Variants in KHDRBS2 observed in about 807,000 individuals in gnomAD.
The protein encoded by KHDRBS2 is KH domain-containing, RNA-binding, signal transduction-associated protein 2.
Under a neutral mutation model 44.3 loss-of-function variants are expected in KHDRBS2, and 26 were observed. The ratio of observed to expected loss-of-function variants is 0.59; its 90% CI spans 0.43 to 0.81. KHDRBS2 has a LOEUF of 0.81. Ranked by LOEUF, KHDRBS2 falls within the 40% of genes least tolerant of loss-of-function variation. The probability of loss-of-function intolerance (pLI) is 0.00; values close to 1 mark genes in which losing one functional copy is unlikely to be tolerated. For missense variants in KHDRBS2, 476 were observed against 433.1 expected, an observed-to-expected ratio of 1.10 and a Z score of -0.88; for synonymous variants, 194 against 151.1, an observed-to-expected ratio of 1.28 and a Z score of -2.08.
At chr6:62,079,914 A>G (rs1309050989) in intron 2 of KHDRBS2, among the ~76,000 whole-genome samples, 2 of 152,106 alleles carry the variant, frequency 1.3e-5, no homozygotes, top group Admixed American at 6.6e-5. Context: ...TAATGCCTAC[A>G]GACATTCAAG....
At chr6:62,075,268 G>A (rs1175815895) in intron 2 of KHDRBS2, among the ~76,000 whole-genome samples, 3 of 151,814 alleles carry the variant, frequency 2.0e-5, no homozygotes, top group African/African-American at 7.2e-5. Flanking sequence ...GAGGCCTGAG[G>A]AAGCTTGTTC....
chr6:61,673,113 C>G, the KHDRBS2 span, among the ~76,000 whole-genome samples: 7 of 151,844 alleles, frequency 4.6e-5, no homozygotes, highest in Admixed American at 1.3e-4. Context: ...AATCCTTCCC[C>G]CATTGCTTGT....
chr6:61,564,407 C>T, the KHDRBS2 span, among the ~76,000 whole-genome samples: 56 of 152,204 alleles, frequency 3.7e-4, no homozygotes, highest in South Asian at 8.3e-4. Flanking sequence ...GTTAGCTCCT[C>T]CAGGTGGGGC....
chr6:61,854,896 T>C (rs1229589964), intron 6 of KHDRBS2, among the ~76,000 whole-genome samples: 1 of 152,164 alleles, frequency 6.6e-6, no homozygotes, highest in East Asian at 1.9e-4. Context: ...AGAGACCTTC[T>C]TGAAAGACCA....
the KHDRBS2 span, among the ~76,000 whole-genome samples, chr6:61,615,233 C>CAAAAAAAAA: frequency 1.8e-3 from 102 of 57,708 alleles, no homozygotes; most frequent in East Asian, 2.1e-3. Flanking sequence ...ACTCCATCTC[C>CAAAAAAAAA]AAAAAAAAAA....
At chr6:61,737,037 T>A (rs539432719) in intron 6 of KHDRBS2, among the ~76,000 whole-genome samples, 95 of 152,224 alleles carry the variant, frequency 6.2e-4, no homozygotes, top group Non-Finnish European at 9.9e-4. Flanking sequence ...ATTGTTTAAT[T>A]AGCCAAAGGA....
intron 2 of KHDRBS2, among the ~76,000 whole-genome samples, chr6:62,065,706 C>T (rs980253923): frequency 7.4e-5 from 11 of 147,962 alleles, no homozygotes; most frequent in Middle Eastern, 6.9e-3. Context: ...GTGGGTGCAG[C>T]GCACCAGCAT....
intron 6 of KHDRBS2, among the ~76,000 whole-genome samples, chr6:61,833,551 G>T (rs920348486): frequency 6.6e-6 from 1 of 152,164 alleles, no homozygotes; most frequent in Non-Finnish European, 1.5e-5. Flanking sequence ...TGTTTATTTG[G>T]AAGACATTTG....
chr6:62,023,868 T>TA (rs1190347435), intron 3 of KHDRBS2, among the ~76,000 whole-genome samples: 1 of 150,974 alleles, frequency 6.6e-6, no homozygotes, highest in South Asian at 2.1e-4. Flanking sequence ...TAAATATTGC[T>TA]AAAAAAACAA....
At chr6:62,221,148 C>T (rs1308962448) in intron 1 of KHDRBS2, among the ~76,000 whole-genome samples, 1 of 151,598 alleles carries the variant, frequency 6.6e-6, no homozygotes, top group Non-Finnish European at 1.5e-5. Context: ...AAGATTTTGC[C>T]ATTTGCCACA....
Position 62,096,365 on chromosome 6 carries a change from T to A in KHDRBS2, c.220-48371A>T, listed in dbSNP as rs560716003. 2.6e-5 allele frequency among the ~76,000 whole-genome samples: 4 copies of A among 152,056 alleles called. No homozygotes were observed. The South Asian group carries it at 6.2e-4, about 24-fold the overall frequency. On this transcript the variant is annotated intron_variant, in intron 2 of 8. Coordinates refer to ENST00000281156, the MANE Select transcript of KHDRBS2 (RefSeq NM_152688.4). Reference sequence around the variant, plus strand: ...AAGCCTTCTGGTCCTAGATTTTTCTTTGATGGGAGACTTTTTATTTCTTAT... The same window carrying A: ...AAGCCTTCTGGTCCTAGATTTTTCTATGATGGGAGACTTTTTATTTCTTAT...
At chr6:61,993,886 T>G (rs1278974613) in intron 3 of KHDRBS2, among the ~76,000 whole-genome samples, 1 of 151,992 alleles carries the variant, frequency 6.6e-6, no homozygotes, top group Non-Finnish European at 1.5e-5. Flanking sequence ...ATTTTTTGAC[T>G]ATACCAGACT....
intron 2 of KHDRBS2, among the ~76,000 whole-genome samples, chr6:62,170,674 C>G (rs1819805861): frequency 6.6e-6 from 1 of 152,108 alleles, no homozygotes; most frequent in Admixed American, 6.6e-5. Context: ...CCCACTGCCA[C>G]CACCCTGATG....
At chr6:61,809,417 A>G (rs1787743037) in intron 6 of KHDRBS2, among the ~76,000 whole-genome samples, 2 of 152,168 alleles carry the variant, frequency 1.3e-5, no homozygotes, top group African/African-American at 4.8e-5. Flanking sequence ...GCAACTTTTC[A>G]TGCAAAAGGA....
At chr6:62,248,808 C>T (rs1233214147) in intron 1 of KHDRBS2, among the ~76,000 whole-genome samples, 1 of 152,046 alleles carries the variant, frequency 6.6e-6, no homozygotes, top group African/African-American at 2.4e-5. Flanking sequence ...AGTAAACATG[C>T]TGTACCATTG....
intron 8 of KHDRBS2, among the ~76,000 whole-genome samples, chr6:61,692,606 T>C (rs1381641502): frequency 1.3e-5 from 2 of 152,044 alleles, no homozygotes; most frequent in Non-Finnish European, 2.9e-5. Context: ...AGGAGACAAA[T>C]ACAATTTCAG....
intron 3 of KHDRBS2, among the ~76,000 whole-genome samples, chr6:61,993,153 G>A (rs1291509416): frequency 6.6e-6 from 1 of 152,130 alleles, no homozygotes; most frequent in Non-Finnish European, 1.5e-5. Context: ...GGGAGGAAGA[G>A]CAAAGGCCTG....
chr6:61,961,409 GAGAA>G (rs1167067600), intron 4 of KHDRBS2, among the ~76,000 whole-genome samples: 3 of 148,754 alleles, frequency 2.0e-5, no homozygotes, highest in Non-Finnish European at 3.0e-5. Context: ...AGAAAGAAAA[GAGAA>G]AGAAGGAAGA....
At chr6:62,055,356 A>T (rs935784035) in intron 2 of KHDRBS2, among the ~76,000 whole-genome samples, 2 of 152,066 alleles carry the variant, frequency 1.3e-5, no homozygotes, top group Admixed American at 1.3e-4. Flanking sequence ...ATTTAAACAA[A>T]TCAAATTTAA....
Sources: allele counts gnomAD v4.1 joint callset (sites outside exome capture counted in the v4.1 genomes callset), GRCh38; gene constraint gnomAD v4.1.1; transcripts MANE v1.5; gene names NCBI Gene and HGNC (gene_info 2026-07-23, HGNC 2026-07-21).